PRKG1: variants seen among roughly 807,000 people sequenced by gnomAD.
PRKG1 encodes cGMP-dependent protein kinase 1.
In PRKG1, 35 loss-of-function variants were observed where a neutral mutation model predicts 88.1. That is an observed-to-expected ratio of 0.40 (90% confidence interval 0.30 to 0.53). The LOEUF (loss-of-function observed/expected upper bound fraction) is 0.53. Among genes scored for constraint, PRKG1 ranks in the 20% least tolerant of loss-of-function variants. The pLI is 0.59. For missense variants in PRKG1, 540 were observed against 839.8 expected (o/e 0.64, Z 4.41); for synonymous variants, 303 against 292.5 (o/e 1.04, Z -0.37).
At chr10:51,841,221 T>A (rs1278400787) in intron 4 of PRKG1, among the ~76,000 whole-genome samples, 1 of 152,246 alleles carries the variant, frequency 6.6e-6, no homozygotes, top group Non-Finnish European at 1.5e-5. Context: ...GAGTGATTCC[T>A]GTGTGATTTA....
intron 5 of PRKG1, among the ~76,000 whole-genome samples, chr10:52,036,669 C>T (rs1284394143): frequency 8.6e-5 from 13 of 151,710 alleles, no homozygotes; most frequent in East Asian, 1.9e-4. Flanking sequence ...GGAAGAAGGG[C>T]GGCAATGAGA....
rs75451580 is a variant in PRKG1, at chr10:52,104,217, C to A, written c.936-29623C>A. Among the ~76,000 whole-genome samples the A allele has an allele frequency of 7.3e-3, 1,105 of 151,586 alleles. 13 individuals carry two copies. Among genetic ancestry groups the A allele is most frequent in the African/African-American group, 0.025 (1,023 of 41,394 alleles). On this transcript the variant is annotated intron_variant, in intron 7 of 17. Coordinates refer to ENST00000373980, the MANE Select transcript of PRKG1 (RefSeq NM_006258.4). ...AGGAATACATTAATTTACTGTTAAA[C>A]GTCATTTTAGCCACCAAATGGATTT...
At chr10:52,264,108 G>GA (rs145411098) in intron 10 of PRKG1, among the ~76,000 whole-genome samples, 5,276 of 152,072 alleles carry the variant, frequency 0.035, 479 homozygotes, top group East Asian at 0.34. Flanking sequence ...CACTGCTGCA[G>GA]AACAGGATGT....
At chr10:51,903,791 C>T (rs1051257878) in intron 4 of PRKG1, among the ~76,000 whole-genome samples, 6 of 152,048 alleles carry the variant, frequency 3.9e-5, no homozygotes, top group African/African-American at 1.4e-4. Flanking sequence ...GTATGTAGCT[C>T]AGTGAGTAAG....
At chr10:51,099,208 C>T (rs917307534) in intron 1 of PRKG1, among the ~76,000 whole-genome samples, 2 of 151,966 alleles carry the variant, frequency 1.3e-5, no homozygotes, top group African/African-American at 4.8e-5. Flanking sequence ...AGCCTCATAC[C>T]AACATGAATC....
intron 2 of PRKG1, among the ~76,000 whole-genome samples, chr10:51,390,213 G>T (rs1397088991): frequency 6.6e-6 from 1 of 152,190 alleles, no homozygotes; most frequent in Non-Finnish European, 1.5e-5. Flanking sequence ...CACATACCAT[G>T]GCTTTATATC....
intron 4 of PRKG1, among the ~76,000 whole-genome samples, chr10:51,872,124 G>C (rs968691020): frequency 1.3e-5 from 2 of 152,118 alleles, no homozygotes; most frequent in African/African-American, 2.4e-5. Flanking sequence ...CTCTGCACCT[G>C]AAGTCTAGAT....
At chr10:51,659,200 A>G (rs2132327297) in intron 3 of PRKG1, among the ~76,000 whole-genome samples, 1 of 152,222 alleles carries the variant, frequency 6.6e-6, no homozygotes, top group East Asian at 1.9e-4. Context: ...AGGCTTGAAG[A>G]TTGGGTTAGG....
intron 3 of PRKG1, among the ~76,000 whole-genome samples, chr10:51,603,920 G>T (rs1046134834): frequency 6.6e-6 from 1 of 152,164 alleles, no homozygotes; most frequent in African/African-American, 2.4e-5. Flanking sequence ...TAGCAAGGCT[G>T]TCACGCTGGG....
chr10:50,997,064 C>T (rs6479839), intron 1 of PRKG1, among the ~76,000 whole-genome samples: 48,523 of 151,994 alleles, frequency 0.32, 7,838 homozygotes, highest in East Asian at 0.4. Flanking sequence ...CAAGGCTGTA[C>T]AGGAGGTGGT....
chr10:51,583,146 A>G (rs1287451919), intron 3 of PRKG1, among the ~76,000 whole-genome samples: 1 of 152,140 alleles, frequency 6.6e-6, no homozygotes, highest in African/African-American at 2.4e-5. Context: ...GTAGTAAGCT[A>G]TTTTGTAATC....
chr10:51,985,442 C>T (rs1243018374), intron 5 of PRKG1, among the ~76,000 whole-genome samples: 1 of 151,972 alleles, frequency 6.6e-6, no homozygotes, highest in Non-Finnish European at 1.5e-5. Flanking sequence ...TTTAAGTGAC[C>T]ATGATTGTTA....
intron 17 of PRKG1, among the ~76,000 whole-genome samples, chr10:52,291,985 G>A (rs1426014582): frequency 6.6e-6 from 1 of 152,130 alleles, no homozygotes; most frequent in East Asian, 1.9e-4. Flanking sequence ...GTGTTGATTT[G>A]CATTTCTCTG....
chr10:51,472,768 G>T (rs1200903966), intron 3 of PRKG1, among the ~76,000 whole-genome samples: 1 of 151,976 alleles, frequency 6.6e-6, no homozygotes, highest in Non-Finnish European at 1.5e-5. Flanking sequence ...ATGAGCACAA[G>T]TACCCAGGTA....
chr10:52,076,085 A>G (rs1403821507), intron 7 of PRKG1, among the ~76,000 whole-genome samples: 1 of 152,252 alleles, frequency 6.6e-6, no homozygotes, highest in Non-Finnish European at 1.5e-5. Context: ...ACAATTGAAA[A>G]TCCATCAAGA....
chr10:51,934,017 A>G (rs1174236670), intron 5 of PRKG1, among the ~76,000 whole-genome samples: 1 of 152,202 alleles, frequency 6.6e-6, no homozygotes, highest in Non-Finnish European at 1.5e-5. Flanking sequence ...ATTTATGTGT[A>G]TAAATACATA....
intron 2 of PRKG1, among the ~76,000 whole-genome samples, chr10:51,204,121 C>T (rs1261003583): frequency 6.6e-6 from 1 of 152,154 alleles, no homozygotes; most frequent in African/African-American, 2.4e-5. Context: ...GAGTGAAATT[C>T]ATTTCCCCCT....
chr10:51,739,613 A>G (rs989909067), intron 3 of PRKG1, among the ~76,000 whole-genome samples: 3 of 152,066 alleles, frequency 2.0e-5, no homozygotes, highest in African/African-American at 7.2e-5. Flanking sequence ...AGAGAAGGAA[A>G]AGAGGAAAAG....
intron 3 of PRKG1, among the ~76,000 whole-genome samples, chr10:51,491,023 CCTT>C (rs1840695841): frequency 6.6e-6 from 1 of 151,980 alleles, no homozygotes; most frequent in Non-Finnish European, 1.5e-5. Context: ...TCATGGGACT[CCTT>C]CTAGGTGATT....
Sources: allele counts gnomAD v4.1 joint callset (sites outside exome capture counted in the v4.1 genomes callset), GRCh38; gene constraint gnomAD v4.1.1; transcripts MANE v1.5; gene names NCBI Gene and HGNC (gene_info 2026-07-23, HGNC 2026-07-21).